Variants in DNTT observed in about 807,000 individuals in gnomAD.
DNTT encodes DNA nucleotidylexotransferase.
A neutral mutation model predicts 60.9 loss-of-function variants in DNTT; 47 were observed. The ratio of observed to expected loss-of-function variants is 0.77; its 90% confidence interval spans 0.61 to 0.98. DNTT has a LOEUF of 0.98. Ranked by LOEUF, DNTT falls within the 50% of genes least tolerant of loss-of-function variation. The pLI, the probability that DNTT is intolerant of heterozygous loss-of-function variation, is 0.00. For missense variants in DNTT, 665 were observed against 627.5 expected (o/e 1.06, Z -0.64); for synonymous variants, 224 against 221.2 (o/e 1.01, Z -0.11).
intron 4 of DNTT, among the ~76,000 whole-genome samples, chr10:96,321,213 A>C (rs1844869156): frequency 1.3e-5 from 2 of 152,278 alleles, no homozygotes; most frequent in South Asian, 4.1e-4. Context: ...AGTTTATTAA[A>C]AAGCTTTAGA....
intron 1 of DNTT, among the ~76,000 whole-genome samples, chr10:96,305,276 T>C (rs1844620310): frequency 6.6e-6 from 1 of 152,212 alleles, no homozygotes. Flanking sequence ...GTATTCACTG[T>C]TAAGACAGCT....
intron 4 of DNTT, among the ~76,000 whole-genome samples, chr10:96,321,480 G>A (rs954311758): frequency 1.3e-5 from 2 of 152,102 alleles, no homozygotes; most frequent in African/African-American, 4.8e-5. Context: ...TTTTCCGGTG[G>A]AATGCTCCGG....
In DNTT at chr10:96,338,281, A is replaced by G; in HGVS notation, c.*57A>G. 1 of 1,516,770 alleles carries G rather than the reference A, an allele frequency of 6.6e-7. No individual in the cohort carries two copies. Among genetic ancestry groups the G allele is most frequent in the Middle Eastern group, 1.8e-4 (1 of 5,672 alleles). The allele number at this position is 1,516,770 out of a possible 1,614,324, so 94.0% of individuals were successfully genotyped here. A position where few individuals can be genotyped will look rare whatever the true frequency, so the allele number is the denominator to read the frequency against. On this transcript the variant is annotated 3_prime_UTR_variant, in exon 11 of 11. Transcript: ENST00000371174. ...TTTCAAGTTAAATAAATTATGCTTC[A>G]TATTAGTAAAAGATGCCATAGGAGA...
In DNTT at chr10:96,306,421, A is replaced by G. The variant is rs754303881; in HGVS notation, c.203+1721A>G. On this transcript the variant is annotated intron_variant, in intron 1 of 10. Transcript: ENST00000371174. Reference sequence around the variant, plus strand: ...ATAGATTTTTTGGAAAAGAAATTAAAAGCCTTAGCAAATATGGAACTGCTT... The same window carrying G: ...ATAGATTTTTTGGAAAAGAAATTAAGAGCCTTAGCAAATATGGAACTGCTT... The G allele has an allele frequency of 2.0e-5, 3 of 152,310 alleles. No individual in the cohort carries two copies. In the South Asian group the frequency reaches 6.2e-4, roughly 32 times the overall value. 9.4% of individuals were successfully genotyped at this position (152,310 alleles called of 1,614,324 possible). A position where few individuals can be genotyped will look rare whatever the true frequency, so the allele number is the denominator to read the frequency against.
At chr10:96,316,401 C>T (rs1844786490) in intron 1 of DNTT, among the ~76,000 whole-genome samples, 2 of 152,132 alleles carry the variant, frequency 1.3e-5, no homozygotes, top group Admixed American at 1.3e-4. Flanking sequence ...CCCTCCAAAT[C>T]ACTGTATGTA....
chr10:96,336,023 C>T, intron 10 of DNTT, 49 bp downstream of exon 10: 2 of 1,594,088 alleles, frequency 1.3e-6, no homozygotes, highest in Non-Finnish European at 8.6e-7. Context: ...ATCCCCAAGG[C>T]TGGCCCCCGA....
chr10:96,327,663 C>T (rs1473949169), intron 7 of DNTT, 63 bp downstream of exon 7: 32 of 1,558,028 alleles, frequency 2.1e-5, no homozygotes, highest in South Asian at 1.2e-5. Context: ...CTGACTTGGA[C>T]AGGCATCTGA....
intron 1 of DNTT, among the ~76,000 whole-genome samples, chr10:96,307,634 G>T (rs755462889): frequency 1.3e-5 from 2 of 148,192 alleles, no homozygotes; most frequent in African/African-American, 4.9e-5. Context: ...GATTACAAGC[G>T]TGAGCACCGT....
intron 3 of DNTT, 45 bp downstream of exon 3, chr10:96,319,435 C>T (rs766943997): frequency 1.1e-5 from 17 of 1,599,598 alleles, no homozygotes; most frequent in Admixed American, 5.3e-5. Flanking sequence ...GAAGGGCTTG[C>T]AGCTTCTTTC....
chr10:96,315,908 G>C (rs926054509), intron 1 of DNTT, among the ~76,000 whole-genome samples: 2 of 151,982 alleles, frequency 1.3e-5, no homozygotes, highest in Non-Finnish European at 2.9e-5. Context: ...ATCTACAATA[G>C]GGAAGTGGTT....
Position 96,322,736 on chromosome 10 carries a change from A to C in DNTT, c.750+8A>C, listed in dbSNP as rs1470864456. Reference sequence around the variant, plus strand: ...CGATATCAATCCTTCAAAGTAAGTGATTTTACATATATTTATTGAAAATTG... The same window carrying C: ...CGATATCAATCCTTCAAAGTAAGTGCTTTTACATATATTTATTGAAAATTG... On this transcript the variant is annotated splice_region_variant and intron_variant, in intron 5 of 10. Transcript: ENST00000371174. 1.9e-6 allele frequency: 3 copies of C among 1,583,142 alleles called. No homozygotes were observed. In the East Asian group the frequency reaches 6.8e-5, roughly 36 times the overall value.
chr10:96,332,433 A>T lies in DNTT; in HGVS notation c.1196A>T (p.His399Leu). Residue 399 changes from histidine (H) to leucine (L), a missense_variant, in exon 9 of 11, where the codon CAT becomes CTT. Physicochemically the swap from His to Leu is moderately conservative, Grantham distance 99. Coordinates refer to ENST00000371174, the MANE Select transcript of DNTT (RefSeq NM_004088.4). Reference sequence around the variant, plus strand: ...AGCAGGAAGGTTGATGCTTTGGATCATTTTCAAAAGTGCTTTCTGATTTTC... The same window carrying T: ...AGCAGGAAGGTTGATGCTTTGGATCTTTTTCAAAAGTGCTTTCTGATTTTC... ...LPSRKVDALD[H>L]FQKCFLIFKL... 6.2e-7 allele frequency: 1 copy of T among 1,614,184 alleles called. No individual in the cohort carries two copies. Among genetic ancestry groups the T allele is most frequent in the Non-Finnish European group, 8.5e-7 (1 of 1,180,010 alleles).
At position 96,304,524 on chromosome 10, in the gene DNTT, G is replaced by C. The variant is rs199671984; in HGVS notation, c.27G>C (p.Leu9Phe). Residue 9 changes from leucine (L) to phenylalanine (F), a missense_variant, in exon 1 of 11, where the codon TTG (leucine) becomes TTC (phenylalanine). Leu to Phe is a conservative substitution (Grantham distance 22). Coordinates refer to ENST00000371174, the MANE Select transcript of DNTT (RefSeq NM_004088.4). MDPPRASH[L>F]SPRKKRPRQT... ...TGGATCCACCACGAGCGTCCCACTT[G>C]AGCCCTCGGAAGAAGAGACCCCGGC... 11 of 1,613,968 alleles carry C rather than the reference G, an allele frequency of 6.8e-6. No homozygotes were observed. The highest frequency in any genetic ancestry group is 5.1e-6 in the Non-Finnish European group (6 of 1,180,004).
At chr10:96,333,081 C>A (rs757342296) in intron 9 of DNTT, among the ~76,000 whole-genome samples, 4 of 152,156 alleles carry the variant, frequency 2.6e-5, no homozygotes, top group Admixed American at 1.3e-4. Context: ...ACATAAGGGC[C>A]ATTATCCAGC....
chr10:96,308,331 G>A (rs1407995537), intron 1 of DNTT, among the ~76,000 whole-genome samples: 1 of 152,172 alleles, frequency 6.6e-6, no homozygotes, highest in Non-Finnish European at 1.5e-5. Flanking sequence ...CATTCAATGT[G>A]CCATAGGAAG....
intron 5 of DNTT, among the ~76,000 whole-genome samples, chr10:96,324,006 C>T (rs981557138): frequency 2.0e-5 from 3 of 152,148 alleles, no homozygotes; most frequent in African/African-American, 7.2e-5. Flanking sequence ...TTAGACTATA[C>T]CTTAGCCCTG....
chr10:96,304,920 A>G (rs1274587716), intron 1 of DNTT, among the ~76,000 whole-genome samples: 1 of 152,192 alleles, frequency 6.6e-6, no homozygotes, highest in African/African-American at 2.4e-5. Flanking sequence ...AAGATGAGAT[A>G]AATTTTTTGT....
chr10:96,335,380 C>T (rs918730862), intron 9 of DNTT, among the ~76,000 whole-genome samples: 8 of 152,126 alleles, frequency 5.3e-5, no homozygotes, highest in Non-Finnish European at 1.2e-4. Context: ...CATGTCCTTC[C>T]TCCATCCTTT....
intron 1 of DNTT, among the ~76,000 whole-genome samples, chr10:96,313,680 T>C (rs963490597): frequency 5.3e-5 from 8 of 152,246 alleles, no homozygotes; most frequent in Non-Finnish European, 1.2e-4. Context: ...TCTTTGCTAA[T>C]AGTCACAAGT....
Sources: gnomAD v4.1 joint callset for allele counts (sites outside exome capture counted in the v4.1 genomes callset) on GRCh38, gnomAD v4.1.1 for gene constraint, MANE v1.5 for transcripts, NCBI Gene and HGNC (gene_info 2026-07-23, HGNC 2026-07-21) for gene names.